Variants in LPP observed in about 807,000 individuals in gnomAD.
LPP encodes lipoma-preferred partner.
In LPP, 38 loss-of-function variants were observed where a neutral mutation model predicts 60.4. The ratio of observed to expected loss-of-function variants is 0.63; its 90% CI spans 0.49 to 0.83. The LOEUF is 0.83. Among genes scored for constraint, LPP ranks in the 40% least tolerant of loss-of-function variants. The pLI, the probability that LPP is intolerant of heterozygous loss-of-function variation, is 0.00. For synonymous variants in LPP, 328 were observed against 290.8 expected, an observed-to-expected ratio of 1.13 and a Z score of -1.30; for missense variants, 902 against 783.6, an observed-to-expected ratio of 1.15 and a Z score of -1.80.
At chr3:188,855,829 A>C (rs1763705356) in intron 9 of LPP, among the ~76,000 whole-genome samples, 2 of 152,182 alleles carry the variant, frequency 1.3e-5, no homozygotes, top group Admixed American at 1.3e-4. Context: ...TGCTTTGTAC[A>C]AAACTCACTG....
At chr3:188,228,834 A>C (rs890487965) in intron 2 of LPP, among the ~76,000 whole-genome samples, 3 of 152,306 alleles carry the variant, frequency 2.0e-5, no homozygotes, top group Admixed American at 6.5e-5. Flanking sequence ...CCTACCTCTC[A>C]TGTTTGCTTA....
At chr3:188,485,886 T>C (rs145549842) in intron 5 of LPP, among the ~76,000 whole-genome samples, 420 of 146,084 alleles carry the variant, frequency 2.9e-3, no homozygotes, top group Non-Finnish European at 5.4e-3. Context: ...ATGGGTGAAA[T>C]AGGGTTGGTT....
At position 188,572,814 on chromosome 3, in the gene LPP, A is replaced by G. The variant is rs1302608125; in HGVS notation, c.430-36347A>G. On this transcript the variant is annotated intron_variant, in intron 6 of 11. Coordinates refer to ENST00000617246, the MANE Select transcript of LPP (RefSeq NM_001375462.1). This position sits in a 1 kb window ranked among gnomAD's most constrained non-coding sequence, Gnocchi z 4.1. ...TATTTCTTACTTATGCTACTTGTTC[A>G]TCATAGGACAGAAGGAGTTCTTTGC... 1.3e-5 allele frequency among the ~76,000 whole-genome samples: 2 copies of G among 152,094 alleles called. No individual in the cohort carries two copies. Among genetic ancestry groups the G allele is most frequent in the African/African-American group, 4.8e-5 (2 of 41,442 alleles).
At chr3:188,366,528 T>C (rs1410562261) in intron 3 of LPP, among the ~76,000 whole-genome samples, 2 of 152,208 alleles carry the variant, frequency 1.3e-5, no homozygotes, top group East Asian at 3.8e-4. Context: ...CTTATTTCTA[T>C]GTTCCACCCA....
intron 9 of LPP, among the ~76,000 whole-genome samples, chr3:188,760,761 C>T (rs1732042178): frequency 6.6e-6 from 1 of 152,224 alleles, no homozygotes; most frequent in South Asian, 2.1e-4. Context: ...CCATTTTTAT[C>T]TACCAAAATG....
At chr3:188,506,489 G>A (rs1244804789) in intron 5 of LPP, among the ~76,000 whole-genome samples, 1 of 152,042 alleles carries the variant, frequency 6.6e-6, no homozygotes, top group Non-Finnish European at 1.5e-5. Flanking sequence ...TATTTTATAA[G>A]CCAGAATCAT....
chr3:188,494,167 C>G (rs993750609), intron 5 of LPP, among the ~76,000 whole-genome samples: 1 of 152,124 alleles, frequency 6.6e-6, no homozygotes, highest in African/African-American at 2.4e-5. Context: ...AAGAATTGCC[C>G]TTAGATGCAC....
At chr3:188,735,078 G>C (rs1481508144) in intron 8 of LPP, among the ~76,000 whole-genome samples, 1 of 152,124 alleles carries the variant, frequency 6.6e-6, no homozygotes, top group East Asian at 1.9e-4. Flanking sequence ...TCTATACCCA[G>C]AACATACTGT....
chr3:188,259,195 AT>A (rs1397189355), intron 2 of LPP, among the ~76,000 whole-genome samples: 8 of 152,166 alleles, frequency 5.3e-5, no homozygotes, highest in African/African-American at 1.9e-4. Context: ...TTAATTTACT[AT>A]TGCATATAAA....
chr3:188,204,071 C>T (rs918046760), intron 1 of LPP, among the ~76,000 whole-genome samples: 23 of 152,090 alleles, frequency 1.5e-4, no homozygotes, highest in African/African-American at 5.6e-4. Context: ...CACTACTGAC[C>T]ATACCCCAAT....
intron 9 of LPP, among the ~76,000 whole-genome samples, chr3:188,801,524 C>T (rs573687201): frequency 6.6e-6 from 1 of 152,166 alleles, no homozygotes; most frequent in Non-Finnish European, 1.5e-5. Flanking sequence ...CTGAGAACTC[C>T]TCTGACTCAA....
At chr3:188,308,396 G>T (rs1337343701) in intron 2 of LPP, among the ~76,000 whole-genome samples, 4 of 152,058 alleles carry the variant, frequency 2.6e-5, no homozygotes, top group Non-Finnish European at 5.9e-5. Flanking sequence ...AATATCATAG[G>T]GATAACCTTG....
At chr3:188,207,875 A>T (rs1423059734) in intron 1 of LPP, among the ~76,000 whole-genome samples, 1 of 152,118 alleles carries the variant, frequency 6.6e-6, no homozygotes, top group Non-Finnish European at 1.5e-5. Flanking sequence ...TGCAGAACTC[A>T]TAGAGTTTAC....
At chr3:188,561,653 G>A (rs1208352739) in intron 6 of LPP, among the ~76,000 whole-genome samples, 2 of 151,920 alleles carry the variant, frequency 1.3e-5, no homozygotes, top group Non-Finnish European at 2.9e-5. Flanking sequence ...TCATTTCTAA[G>A]GTTCTTTTCC....
At chr3:188,432,238 T>A (rs528233186) in intron 4 of LPP, among the ~76,000 whole-genome samples, 1 of 152,166 alleles carries the variant, frequency 6.6e-6, no homozygotes, top group South Asian at 2.1e-4. Context: ...AAATCCAAAC[T>A]TCATGATTTT....
At chr3:188,742,990 T>A (rs1260582001) in intron 8 of LPP, among the ~76,000 whole-genome samples, 5 of 152,140 alleles carry the variant, frequency 3.3e-5, no homozygotes, top group Non-Finnish European at 5.9e-5. Flanking sequence ...TAGGTTTCTT[T>A]AAAGGATGGC....
chr3:188,761,170 T>C (rs1008200990), intron 9 of LPP, among the ~76,000 whole-genome samples: 2 of 152,200 alleles, frequency 1.3e-5, no homozygotes, highest in Admixed American at 1.3e-4. Context: ...TCATGGTTTG[T>C]CCCTCAGTGC....
intron 9 of LPP, among the ~76,000 whole-genome samples, chr3:188,849,358 A>G (rs1313370659): frequency 6.6e-6 from 1 of 151,044 alleles, no homozygotes; most frequent in Non-Finnish European, 1.5e-5. Context: ...GAGAATGGAA[A>G]CAATTTTCAA....
chr3:188,712,612 C>A (rs3915009), intron 8 of LPP: 5,889 of 152,334 alleles, frequency 0.039, 167 homozygotes, highest in Non-Finnish European at 0.06. Context: ...TTGCCAAGCA[C>A]TTCCCTTAAA....
Sources: allele counts gnomAD v4.1 joint callset (sites outside exome capture counted in the v4.1 genomes callset), GRCh38; gene constraint gnomAD v4.1.1; non-coding constraint Gnocchi (gnomAD v3.1); transcripts MANE v1.5; gene names NCBI Gene and HGNC (gene_info 2026-07-23, HGNC 2026-07-21).